Variants in NFATC3 observed in about 807,000 individuals in gnomAD.
NFATC3 encodes the protein nuclear factor of activated T-cells, cytoplasmic 3.
A neutral mutation model predicts 98.6 loss-of-function variants in NFATC3; 46 were observed. The ratio of observed to expected loss-of-function variants is 0.47; its 90% confidence interval spans 0.37 to 0.60. The LOEUF is 0.60. Ranked by LOEUF, NFATC3 falls within the 20% of genes least tolerant of loss-of-function variation. The pLI is 0.00. For synonymous variants in NFATC3, 512 were observed against 472.2 expected (o/e 1.08, Z -1.09); for missense variants, 1,256 against 1,295.5 (o/e 0.97, Z 0.47).
intron 1 of NFATC3, among the ~76,000 whole-genome samples, chr16:68,113,380 T>C (rs1215127412): frequency 6.6e-6 from 1 of 152,184 alleles, no homozygotes; most frequent in African/African-American, 2.4e-5. Context: ...AGGGGACCAC[T>C]CCTGACCTAA....
intron 3 of NFATC3, among the ~76,000 whole-genome samples, chr16:68,142,300 T>C (rs999622775): frequency 1.9e-4 from 29 of 152,244 alleles, no homozygotes; most frequent in Non-Finnish European, 2.5e-4. Context: ...CCTCCTTGTG[T>C]AAGTACACTT....
intron 9 of NFATC3, among the ~76,000 whole-genome samples, chr16:68,216,538 T>C (rs1290280817): frequency 6.6e-6 from 1 of 152,138 alleles, no homozygotes; most frequent in Admixed American, 6.6e-5. Flanking sequence ...GTTTTCTTTT[T>C]TTTTTTTCTT....
chr16:68,164,799 G>C (rs779147454), intron 4 of NFATC3, among the ~76,000 whole-genome samples: 7 of 152,130 alleles, frequency 4.6e-5, no homozygotes, highest in Non-Finnish European at 1.0e-4. Context: ...AGAATCCCTT[G>C]AACCCGGGAG....
chr16:68,136,367 A>G (rs1453224273), intron 3 of NFATC3, among the ~76,000 whole-genome samples: 5 of 152,050 alleles, frequency 3.3e-5, no homozygotes, highest in Admixed American at 3.3e-4. Flanking sequence ...TTCTGGGCTC[A>G]AGCGATCCTC....
At chr16:68,173,254 A>G (rs902301147) in intron 5 of NFATC3, among the ~76,000 whole-genome samples, 1 of 151,654 alleles carries the variant, frequency 6.6e-6, no homozygotes, top group Admixed American at 6.6e-5. Context: ...CAACAGAGCA[A>G]GTCTCTGTCT....
chr16:68,181,374 C>A lies in NFATC3; in HGVS notation c.1916-101C>A, dbSNP rs961485661. The A allele has an allele frequency of 3.9e-6, 3 of 771,434 alleles. No homozygotes were observed. In the African/African-American group the frequency reaches 5.3e-5, roughly 14 times the overall value. 47.8% of individuals were successfully genotyped at this position (771,434 alleles called of 1,614,324 possible). On this transcript the variant is annotated intron_variant, in intron 6 of 9. Coordinates refer to ENST00000346183, the MANE Select transcript of NFATC3 (RefSeq NM_173165.3). The stretch of plus-strand genomic sequence containing the variant: ...TAATGGAAGTCAGTGGAAAAAAGAT[C>A]CCCTTTGTTAATAAATTTGTGATAC...
At chr16:68,090,527 G>C (rs910565077) in intron 1 of NFATC3, among the ~76,000 whole-genome samples, 1 of 151,816 alleles carries the variant, frequency 6.6e-6, no homozygotes, top group African/African-American at 2.4e-5. Flanking sequence ...TAGAATATTT[G>C]GTCTTAAGAC....
chr16:68,194,007 A>T (rs2040553148), intron 9 of NFATC3, among the ~76,000 whole-genome samples: 1 of 152,148 alleles, frequency 6.6e-6, no homozygotes, highest in African/African-American at 2.4e-5. Flanking sequence ...TTGTGTGTAA[A>T]CAGAAGGTAT....
chr16:68,157,799 C>G lies in NFATC3; in HGVS notation c.1402-70C>G, dbSNP rs999797862. 5 of 1,229,746 alleles carry G rather than the reference C, an allele frequency of 4.1e-6. No individual in the cohort carries two copies. In the Admixed American group the frequency reaches 8.5e-5, roughly 21 times the overall value. 76.2% of individuals were successfully genotyped at this position (1,229,746 alleles called of 1,614,324 possible). Reference sequence around the variant, plus strand: ...ATATGATAGAGATATAATAGACTTACTATTGTTGGCATATTGTAAAATGCA... The same window carrying G: ...ATATGATAGAGATATAATAGACTTAGTATTGTTGGCATATTGTAAAATGCA... On this transcript the variant is annotated intron_variant, in intron 3 of 9. Coordinates refer to ENST00000346183, the MANE Select transcript of NFATC3 (RefSeq NM_173165.3).
chr16:68,107,523 G>C (rs2035724539), intron 1 of NFATC3, among the ~76,000 whole-genome samples: 1 of 152,174 alleles, frequency 6.6e-6, no homozygotes, highest in Non-Finnish European at 1.5e-5. Flanking sequence ...AGGAGTTCAA[G>C]ACCAGCCTGG....
rs1406452900 is a variant in NFATC3, at chr16:68,212,993, G to T, written c.3107-13357G>T. Among the ~76,000 whole-genome samples the T allele has an allele frequency of 2.6e-4, 37 of 141,670 alleles. No homozygotes were observed. In the East Asian group the frequency reaches 7.1e-3, roughly 27 times the overall value. The allele number at this position is 141,670 out of a possible 152,430, so 92.9% of individuals were successfully genotyped here. On this transcript the variant is annotated intron_variant, in intron 9 of 9. Transcript: ENST00000346183. ...TTTTTGTATTTTTAGTAGAGACAGGGTTTCACCGTGTTAGCCAGGATGGTC... is the reference window on the plus strand; with the variant it reads ...TTTTTGTATTTTTAGTAGAGACAGGTTTTCACCGTGTTAGCCAGGATGGTC...
chr16:68,207,500 G>C (rs565153466), intron 9 of NFATC3, among the ~76,000 whole-genome samples: 1 of 152,132 alleles, frequency 6.6e-6, no homozygotes, highest in South Asian at 2.1e-4. Flanking sequence ...GTCCCACTCT[G>C]TCACCCAGGC....
chr16:68,171,294 C>G (rs1189698951), intron 5 of NFATC3, among the ~76,000 whole-genome samples: 2 of 152,056 alleles, frequency 1.3e-5, no homozygotes, highest in South Asian at 2.1e-4. Context: ...TAGGTGTGAG[C>G]CAACGCACCC....
At position 68,085,725 on chromosome 16, in the gene NFATC3, A is replaced by G; in HGVS notation, c.44A>G (p.Lys15Arg). ...GGCGCCCACGACGAGCTCGACTTCAAACTCGTCTTTGGCGAGGACGGGGCG... is the reference window on the plus strand; with the variant it reads ...GGCGCCCACGACGAGCTCGACTTCAGACTCGTCTTTGGCGAGGACGGGGCG... ...NCGAHDELDF[K>R]LVFGEDGAPA... The change falls in exon 1 of 10, where the codon AAA becomes AGA. Residue 15 changes from lysine to arginine, a missense_variant. Lys to Arg is a conservative substitution (Grantham distance 26, BLOSUM62 2). This residue lies in a region of NFATC3 where 464 missense variants were observed against 465.7 expected (regional missense o/e 1.00). Coordinates refer to ENST00000346183, the MANE Select transcript of NFATC3 (RefSeq NM_173165.3). 1 of 1,513,398 alleles carries G rather than the reference A, an allele frequency of 6.6e-7. No homozygotes were observed. The highest frequency in any genetic ancestry group is 2.1e-5 in the Admixed American group (1 of 46,556). 93.7% of individuals were successfully genotyped at this position (1,513,398 alleles called of 1,614,324 possible). A position where few individuals can be genotyped will look rare whatever the true frequency, so the allele number is the denominator to read the frequency against.
At chr16:68,221,345 G>A (rs1212011066) in intron 9 of NFATC3, 9 of 1,596,720 alleles carry the variant, frequency 5.6e-6, no homozygotes, top group Non-Finnish European at 7.7e-6. Context: ...GGAAAGCAGA[G>A]GACTTGCATG....
chr16:68,085,941 G>T, intron 1 of NFATC3, 157 bp downstream of exon 1: 1 of 532,272 alleles, frequency 1.9e-6, no homozygotes, highest in South Asian at 3.2e-5. Context: ...GATTTAAATC[G>T]CTGAGGAGGC....
chr16:68,192,775 A>T (rs2040499580), intron 9 of NFATC3, among the ~76,000 whole-genome samples: 1 of 152,142 alleles, frequency 6.6e-6, no homozygotes, highest in Non-Finnish European at 1.5e-5. Flanking sequence ...AGGTGGGAGG[A>T]TCACCTGAGC....
intron 9 of NFATC3, among the ~76,000 whole-genome samples, chr16:68,207,952 C>T (rs553853483): frequency 7.3e-4 from 111 of 152,176 alleles, no homozygotes; most frequent in African/African-American, 2.6e-3. Context: ...TTTGCATTTC[C>T]CTATTGACTA....
chr16:68,192,239 A>G (rs2040456386), intron 9 of NFATC3: 1 of 111,366 alleles, frequency 9.0e-6, no homozygotes, highest in South Asian at 2.9e-4. Flanking sequence ...AAATATATAT[A>G]TATATATATA....
Sources: allele counts gnomAD v4.1 joint callset (sites outside exome capture counted in the v4.1 genomes callset), GRCh38; gene constraint gnomAD v4.1.1; regional missense constraint gnomAD v4.1.1; transcripts MANE v1.5; gene names NCBI Gene and HGNC (gene_info 2026-07-23, HGNC 2026-07-21).